The following LAMB3 variants were observed in gnomAD, a reference collection of about 807,000 sequenced individuals.
LAMB3 encodes the protein laminin subunit beta-3.
In LAMB3, 104 loss-of-function variants were observed where a neutral mutation model predicts 140.3. The ratio of observed to expected loss-of-function variants is 0.74; its 90% CI spans 0.63 to 0.87. The LOEUF (loss-of-function observed/expected upper bound fraction) is 0.87, where lower values mean the gene tolerates loss of function less well. Ranked by LOEUF, LAMB3 falls within the 40% of genes least tolerant of loss-of-function variation. The pLI is 0.00. For missense variants in LAMB3, 1,531 were observed against 1,575.2 expected (o/e 0.97, Z 0.47); for synonymous variants, 592 against 602.9 (o/e 0.98, Z 0.26).
rs1370865288 is a variant in LAMB3, at chr1:209,632,771, C to T, written c.634G>A (p.Gly212Arg). ...TTGACTCTCAAGTTTGTGATCTCCC[C>T]CACCTCTGAGAGGGCCAAACAGCAA... is the stretch of plus-strand genomic sequence containing the variant. ...ATQSQKIQEV[G>R]EITNLRVNFT... Residue 212 changes from glycine to arginine, a missense_variant, in exon 8 of 23, where the codon GGG becomes AGG. Gly to Arg is a moderately radical substitution (Grantham distance 125). Coordinates refer to ENST00000356082, the MANE Select transcript of LAMB3 (RefSeq NM_000228.3). 1.2e-6 allele frequency: 2 copies of T among 1,614,114 alleles called. No homozygotes were observed. The highest frequency in any genetic ancestry group is 1.7e-6 in the Non-Finnish European group (2 of 1,179,968).
intron 1 of LAMB3, 60 bp from the exon 2 acceptor site, chr1:209,651,041 T>A (rs1161623412): frequency 1.8e-6 from 2 of 1,109,922 alleles, no homozygotes; most frequent in South Asian, 1.2e-5. Flanking sequence ...ACACTAGCCC[T>A]TTTTCTTTTC....
rs117889079 is a variant in LAMB3 at position 209,632,863 on chromosome 1, T to C, written c.629-87A>G. 6.0e-5 allele frequency: 80 copies of C among 1,332,070 alleles called. No individual in the cohort carries two copies. The East Asian group carries it at 1.9e-3, about 31-fold the overall frequency. The allele number at this position is 1,332,070 out of a possible 1,614,324, so 82.5% of individuals were successfully genotyped here. Reference sequence around the variant, plus strand: ...AGAGGCACATAGAGTCTCCTTCATATGTGATACCGTGGGCCATCCTCTCCA... The same window carrying C: ...AGAGGCACATAGAGTCTCCTTCATACGTGATACCGTGGGCCATCCTCTCCA... On this transcript the variant is annotated intron_variant, in intron 7 of 22. Transcript: ENST00000356082.
At chr1:209,638,700 C>A (rs768859466) in intron 3 of LAMB3, 52 bp from the exon 4 acceptor site, 20 of 1,212,586 alleles carry the variant, frequency 1.6e-5, no homozygotes, top group Non-Finnish European at 2.3e-5. Context: ...TGATAGAATT[C>A]CCCCTTGCGT....
rs1665907476 is a variant in LAMB3 at position 209,615,212 on chromosome 1, GC to G, written c.*58del. On this transcript the variant is annotated 3_prime_UTR_variant, in exon 23 of 23. Transcript: ENST00000356082. ...GATGGAAAGCATTCCAACCCAATCT[GC>G]CCCCAACCAAAAGCAAAGGCGGCAG... 6.2e-7 allele frequency: 1 copy of G among 1,610,614 alleles called. No individual in the cohort carries two copies. Among genetic ancestry groups the G allele is most frequent in the Non-Finnish European group, 8.5e-7 (1 of 1,178,248 alleles).
Position 209,634,442 on chromosome 1 carries a change from C to A in LAMB3, c.564+5G>T. ...GGCCTACTTTTCAGGATTCCCTCTACCTACCTTCCCCCCATTTAGGCGTGC... is the reference window on the plus strand; with the variant it reads ...GGCCTACTTTTCAGGATTCCCTCTAACTACCTTCCCCCCATTTAGGCGTGC... On this transcript the variant is annotated splice_donor_5th_base_variant and intron_variant, in intron 6 of 22. Coordinates refer to ENST00000356082, the MANE Select transcript of LAMB3 (RefSeq NM_000228.3). 1 of 1,613,810 alleles carries A rather than the reference C, an allele frequency of 6.2e-7. No homozygotes were observed. The highest frequency in any genetic ancestry group is 8.5e-7 in the Non-Finnish European group (1 of 1,179,732).
In LAMB3 at chr1:209,623,240, C is replaced by T. The variant is rs1010907383; in HGVS notation, c.2359-61G>A. ...AAGCCCCTCAATAACCAATCCCACC[C>T]CACACCTGGGAAACCAACAGCCAGA... On this transcript the variant is annotated intron_variant, in intron 16 of 22. Coordinates refer to ENST00000356082, the MANE Select transcript of LAMB3 (RefSeq NM_000228.3). This position sits in a 1 kb window ranked among gnomAD's most constrained non-coding sequence, Gnocchi z 4.2. The T allele has an allele frequency of 1.9e-6, 3 of 1,546,706 alleles. No homozygotes were observed. Among genetic ancestry groups the T allele is most frequent in the Admixed American group, 1.7e-5 (1 of 57,568 alleles).
In LAMB3 at chr1:209,627,591, G is replaced by A. The variant is rs775685124; in HGVS notation, c.1289-12C>T. 6.2e-7 allele frequency: 1 copy of A among 1,613,370 alleles called. No individual in the cohort carries two copies. The highest frequency in any genetic ancestry group is 1.3e-5 in the African/African-American group (1 of 75,036). ...GTTGCAGTCACAGCCTGCAGGAGGAGAGCTGCTGAGCTCAGGCAGACGCTC... is the reference window on the plus strand; with the variant it reads ...GTTGCAGTCACAGCCTGCAGGAGGAAAGCTGCTGAGCTCAGGCAGACGCTC... On this transcript the variant is annotated splice_polypyrimidine_tract_variant and intron_variant, in intron 11 of 22. Coordinates refer to ENST00000356082, the MANE Select transcript of LAMB3 (RefSeq NM_000228.3).
chr1:209,617,629 T>C, intron 20 of LAMB3, 43 bp from the exon 21 acceptor site: 1 of 1,607,938 alleles, frequency 6.2e-7, no homozygotes, highest in Non-Finnish European at 8.5e-7. Flanking sequence ...GTGGGTCTCA[T>C]AGGTCGGGGG....
intron 12 of LAMB3, 73 bp downstream of exon 12, chr1:209,627,310 G>A: frequency 3.2e-6 from 4 of 1,254,320 alleles, no homozygotes; most frequent in East Asian, 2.4e-5. Context: ...GCAGCATGGA[G>A]GGGCAGCAGA....
chr1:209,643,807 CAAA>C (rs201651712), intron 3 of LAMB3, among the ~76,000 whole-genome samples: 1 of 99,900 alleles, frequency 1.0e-5, no homozygotes, highest in Non-Finnish European at 2.2e-5. Context: ...GGGCCAAAAG[CAAA>C]AAAAAAAAAA....
intron 6 of LAMB3, 48 bp downstream of exon 6, chr1:209,634,399 A>G: frequency 1.3e-6 from 2 of 1,568,800 alleles, no homozygotes; most frequent in East Asian, 4.5e-5. Flanking sequence ...ACAGTGGGAC[A>G]TCAGGGATTT....
At chr1:209,627,707 G>T in intron 11 of LAMB3, 128 bp from the exon 12 acceptor site, 1 of 907,726 alleles carries the variant, frequency 1.1e-6, no homozygotes, top group Non-Finnish European at 1.7e-6. Context: ...CAGATGACAT[G>T]GCTGACTCAC....
intron 11 of LAMB3, 123 bp downstream of exon 11, chr1:209,627,912 C>A (rs998150693): frequency 7.7e-6 from 10 of 1,291,008 alleles, no homozygotes; most frequent in Middle Eastern, 2.4e-4. Flanking sequence ...CCCGGGCATA[C>A]CCCCTCTGTC....
Position 209,623,214 on chromosome 1 carries a change from A to T in LAMB3, c.2359-35T>A. 1 of 1,607,646 alleles carries T rather than the reference A, an allele frequency of 6.2e-7. No individual in the cohort carries two copies. Among genetic ancestry groups the T allele is most frequent in the Non-Finnish European group, 8.5e-7 (1 of 1,174,832 alleles). ...GATGGCGGTGTTAAAGAGGCTACCC[A>T]AAGCCCCTCAATAACCAATCCCACC... is the stretch of plus-strand genomic sequence containing the variant. On this transcript the variant is annotated intron_variant, in intron 16 of 22. Coordinates refer to ENST00000356082, the MANE Select transcript of LAMB3 (RefSeq NM_000228.3). The surrounding 1 kb of genome is among the most constrained non-coding windows in gnomAD (Gnocchi z 4.2).
chr1:209,639,298 A>G (rs1487160635), intron 3 of LAMB3, among the ~76,000 whole-genome samples: 1 of 152,222 alleles, frequency 6.6e-6, no homozygotes, highest in Non-Finnish European at 1.5e-5. Flanking sequence ...CTGGAGTTAC[A>G]ATAGGGAACA....
intron 3 of LAMB3, among the ~76,000 whole-genome samples, chr1:209,639,624 T>C (rs1056180855): frequency 6.6e-5 from 10 of 151,834 alleles, no homozygotes; most frequent in Admixed American, 1.3e-4. Flanking sequence ...CATATACACA[T>C]ACACACACAC....
chr1:209,631,533 G>A (rs907170123), intron 8 of LAMB3, among the ~76,000 whole-genome samples: 73 of 152,078 alleles, frequency 4.8e-4, no homozygotes, highest in African/African-American at 1.5e-3. Context: ...GTGTCACCTG[G>A]GGAACATTTT....
At chr1:209,632,890 A>C in intron 7 of LAMB3, 114 bp from the exon 8 acceptor site, 2 of 1,125,366 alleles carry the variant, frequency 1.8e-6, no homozygotes, top group East Asian at 4.9e-5. Context: ...TCCTCTCCAG[A>C]CCTCAACCAT....
In LAMB3 at chr1:209,650,086, A is replaced by G; in HGVS notation, c.61T>C (p.Cys21Arg). Residue 21 changes from cysteine (C) to arginine (R), a missense_variant, in exon 3 of 23, where the codon TGC (cysteine) becomes CGC (arginine). Cys to Arg is a radical substitution (Grantham distance 180). Transcript: ENST00000356082. ...LPGLLHAQQACSRGACYPPVG... is the reference protein window; with the variant it reads ...LPGLLHAQQARSRGACYPPVG... The stretch of plus-strand genomic sequence containing the variant: ...GGTGGATAGCAGGCCCCACGGGAGC[A>G]GGCTTGTTGGGCATGCAGGAGGCCA... 1 of 1,614,068 alleles carries G rather than the reference A, an allele frequency of 6.2e-7. No individual in the cohort carries two copies. Among genetic ancestry groups the G allele is most frequent in the Non-Finnish European group, 8.5e-7 (1 of 1,180,010 alleles).
Sources: allele counts gnomAD v4.1 joint callset (sites outside exome capture counted in the v4.1 genomes callset), GRCh38; gene constraint gnomAD v4.1.1; non-coding constraint Gnocchi (gnomAD v3.1); transcripts MANE v1.5; gene names NCBI Gene and HGNC (gene_info 2026-07-23, HGNC 2026-07-21).